The following TRAF7 variants were observed in gnomAD, a reference collection of about 807,000 sequenced individuals.
TRAF7 encodes E3 ubiquitin-protein ligase TRAF7.
TRAF7 carries 45 observed loss-of-function variants against 89.3 expected under a neutral mutation model. The observed-to-expected ratio is 0.50, with a 90% CI of 0.40 to 0.65. TRAF7 has a LOEUF of 0.65. TRAF7 is among the 30% of genes least tolerant of loss of function. The probability of loss-of-function intolerance (pLI) is 0.00; values close to 1 mark genes in which losing one functional copy is unlikely to be tolerated. For synonymous variants in TRAF7, 406 were observed against 369.2 expected (o/e 1.10, Z -1.14); for missense variants, 677 against 918.1 (o/e 0.74, Z 3.39).
At chr16:2,172,635 G>GGGGC in intron 9 of TRAF7, 36 bp downstream of exon 9, 7 of 1,273,308 alleles carry the variant, frequency 5.5e-6, no homozygotes, top group African/African-American at 1.5e-5. Context: ...GCCGGGGTGG[G>GGGGC]CGCAGGCCCT....
intron 2 of TRAF7, among the ~76,000 whole-genome samples, 179 bp downstream of exon 2, chr16:2,164,180 G>GCA (rs1169818183): frequency 1.1e-4 from 14 of 131,256 alleles, no homozygotes; most frequent in East Asian, 2.3e-4. Flanking sequence ...GCGCGCGCGC[G>GCA]CACGCGTGCG....
chr16:2,164,075 C>A, intron 2 of TRAF7, 74 bp downstream of exon 2: 2 of 1,388,130 alleles, frequency 1.4e-6, no homozygotes, highest in Non-Finnish European at 2.0e-6. Flanking sequence ...GTGTTGCCTG[C>A]AGAGCTCCCA....
intron 7 of TRAF7, 129 bp from the exon 8 acceptor site, chr16:2,172,062 C>G (rs2093113842): frequency 1.8e-6 from 2 of 1,109,970 alleles, no homozygotes; most frequent in South Asian, 2.9e-5. Flanking sequence ...ACCTGTGCCC[C>G]CGTTCCCATG....
rs1406928718 is a variant in TRAF7 at position 2,168,708 on chromosome 16, G to A, written c.231+540G>A. 2.6e-5 allele frequency among the ~76,000 whole-genome samples: 4 copies of A among 152,120 alleles called. No individual in the cohort carries two copies. The highest frequency in any genetic ancestry group is 9.7e-5 in the African/African-American group (4 of 41,408). ...TTCCCTGTTGCTGGCTGTGTGAGGT[G>A]CAGAAAGGATCAGGGCAGTCGGGGG... On this transcript the variant is annotated intron_variant, in intron 4 of 20. Coordinates refer to ENST00000326181, the MANE Select transcript of TRAF7 (RefSeq NM_032271.3). The surrounding 1 kb of genome is among the most constrained non-coding windows in gnomAD (Gnocchi z 4.1).
At chr16:2,171,190 C>T (rs1024147211) in intron 5 of TRAF7, 74 bp from the exon 6 acceptor site, 32 of 1,260,954 alleles carry the variant, frequency 2.5e-5, no homozygotes, top group Middle Eastern at 2.0e-4. Context: ...GGAGCAAGAG[C>T]GCCTGGGTGC....
Position 2,175,823 on chromosome 16 carries a change from A to G in TRAF7, c.1627-11A>G. The G allele has an allele frequency of 6.2e-7, 1 of 1,612,192 alleles. No homozygotes were observed. The highest frequency in any genetic ancestry group is 8.5e-7 in the Non-Finnish European group (1 of 1,178,992). ...CTGGCCTGGGACCAACTGGCCCACG[A>G]TTACTCATAGATCTGGGACATCCGA... On this transcript the variant is annotated splice_polypyrimidine_tract_variant and intron_variant, in intron 17 of 20. Coordinates refer to ENST00000326181, the MANE Select transcript of TRAF7 (RefSeq NM_032271.3).
At position 2,159,307 on chromosome 16, in the gene TRAF7, A is replaced by G. The variant is rs1320387601; in HGVS notation, c.-39+3449A>G. Among the ~76,000 whole-genome samples the G allele has an allele frequency of 4.6e-5, 7 of 152,096 alleles. No homozygotes were observed. In the East Asian group the frequency reaches 1.4e-3, roughly 29 times the overall value. On this transcript the variant is annotated intron_variant, in intron 1 of 20. Transcript: ENST00000326181. This position sits in a 1 kb window ranked among gnomAD's most constrained non-coding sequence, Gnocchi z 6.5. ...GACAGGCAAGGGGGTTCGCCGTGCT[A>G]GGAGGGAAGCGGGGCCAAGCCGGCC...
chr16:2,164,567 G>C (rs1206564239), intron 2 of TRAF7, among the ~76,000 whole-genome samples: 1 of 134,896 alleles, frequency 7.4e-6, no homozygotes, highest in African/African-American at 2.9e-5. Flanking sequence ...TGGTCGCATG[G>C]TTAAGCATGT....
intron 2 of TRAF7, among the ~76,000 whole-genome samples, chr16:2,164,316 G>A (rs563003751): frequency 1.6e-4 from 24 of 147,318 alleles, no homozygotes; most frequent in Non-Finnish European, 2.7e-4. Context: ...TGGCCTGGTC[G>A]CATGGTAAAG....
chr16:2,164,199 T>TG (rs2093071648), intron 2 of TRAF7, among the ~76,000 whole-genome samples, 198 bp downstream of exon 2: 1 of 146,686 alleles, frequency 6.8e-6, no homozygotes, highest in African/African-American at 2.5e-5. Flanking sequence ...CGTGTGTGGT[T>TG]GGGGCGTGTT....
intron 2 of TRAF7, 112 bp from the exon 3 acceptor site, chr16:2,165,767 G>A: frequency 8.2e-7 from 1 of 1,215,574 alleles, no homozygotes; most frequent in Non-Finnish European, 1.2e-6. Context: ...TTAAGTGTGT[G>A]AGTGCTGCGT....
chr16:2,177,817 C>A lies in TRAF7; in HGVS notation c.*1243C>A, dbSNP rs577518738. Reference sequence around the variant, plus strand: ...AAGGCACAACCTCGAGTTCTTGGGGCGCAGAGAACTTAGGAGAGAAGCACG... The same window carrying A: ...AAGGCACAACCTCGAGTTCTTGGGGAGCAGAGAACTTAGGAGAGAAGCACG... On this transcript the variant is annotated 3_prime_UTR_variant, in exon 21 of 21. Transcript: ENST00000326181. 173 of 244,068 alleles carry A rather than the reference C, an allele frequency of 7.1e-4. No individual in the cohort carries two copies. Among genetic ancestry groups the A allele is most frequent in the African/African-American group, 3.5e-3 (156 of 45,094 alleles). 15.1% of individuals were successfully genotyped at this position (244,068 alleles called of 1,614,324 possible). A position where few individuals can be genotyped will look rare whatever the true frequency, so the allele number is the denominator to read the frequency against.
rs1254796281 is a variant in TRAF7 at position 2,162,686 on chromosome 16, C to T, written c.-38-1197C>T. ...CCAGAGCAAGCTTGTTCTGAGGGCT[C>T]CTGCCTTGGGAGCTGAGCCCATGGT... On this transcript the variant is annotated intron_variant, in intron 1 of 20. Coordinates refer to ENST00000326181, the MANE Select transcript of TRAF7 (RefSeq NM_032271.3). The surrounding 1 kb of genome is among the most constrained non-coding windows in gnomAD (Gnocchi z 5.0). Among the ~76,000 whole-genome samples, 1 of 152,020 alleles carries T rather than the reference C, an allele frequency of 6.6e-6. No homozygotes were observed. The highest frequency in any genetic ancestry group is 2.4e-5 in the African/African-American group (1 of 41,420).
Position 2,170,632 on chromosome 16 carries a change from C to A in TRAF7, c.250C>A (p.Arg84Ser). The A allele has an allele frequency of 6.2e-7, 1 of 1,609,724 alleles. No homozygotes were observed. The highest frequency in any genetic ancestry group is 2.3e-5 in the East Asian group (1 of 44,228). ...EDSMPPISTPRRSDSAISVRS... is the reference protein window; with the variant it reads ...EDSMPPISTPSRSDSAISVRS... ...CACACAGCCCCCCATCAGCACTCCC[C>A]GCCGCTCCGACTCCGCCATCTCTGT... The change falls in exon 5 of 21, where the codon CGC becomes AGC. Residue 84 changes from arginine (R) to serine (S), a missense_variant. Around this residue, in one of 6 missense-constraint regions of TRAF7, gnomAD observed 240 missense variants for 191.9 expected, o/e 1.25. Coordinates refer to ENST00000326181, the MANE Select transcript of TRAF7 (RefSeq NM_032271.3).
chr16:2,173,859 T>TGGCCCCCCCCCC, intron 12 of TRAF7, 23 bp downstream of exon 12: 3 of 1,246,192 alleles, frequency 2.4e-6, no homozygotes, highest in South Asian at 1.2e-5. Flanking sequence ...CCGCCGTGGC[T>TGGCCCCCCCCCC]CCCGCCCACC....
At chr16:2,171,755 G>T in intron 7 of TRAF7, 150 bp downstream of exon 7, 1 of 1,232,886 alleles carries the variant, frequency 8.1e-7, no homozygotes. Context: ...TCCTAGGGAC[G>T]CTCAGGCTGA....
rs1026777182 is a variant in TRAF7, at chr16:2,176,885, A to G, written c.*311A>G. ...TACTCACCTTTTCTACCGTTTTTAGACTGTATGTAGATTTGGTTACCTCCT... is the reference window on the plus strand; with the variant it reads ...TACTCACCTTTTCTACCGTTTTTAGGCTGTATGTAGATTTGGTTACCTCCT... On this transcript the variant is annotated 3_prime_UTR_variant, in exon 21 of 21. Coordinates refer to ENST00000326181, the MANE Select transcript of TRAF7 (RefSeq NM_032271.3). 1.8e-6 allele frequency: 1 copy of G among 540,666 alleles called. No individual in the cohort carries two copies. Among genetic ancestry groups the G allele is most frequent in the African/African-American group, 1.9e-5 (1 of 52,612 alleles). The allele number at this position is 540,666 out of a possible 1,614,324, so 33.5% of individuals were successfully genotyped here. A position where few individuals can be genotyped will look rare whatever the true frequency, so the allele number is the denominator to read the frequency against.
At chr16:2,174,450 T>C (rs1342232639) in intron 14 of TRAF7, 117 bp downstream of exon 14, 1 of 927,318 alleles carries the variant, frequency 1.1e-6, no homozygotes, top group Non-Finnish European at 1.6e-6. Context: ...GCCCCACCTA[T>C]AGGGCACCCT....
intron 2 of TRAF7, among the ~76,000 whole-genome samples, chr16:2,165,463 C>T (rs1408239864): frequency 2.3e-5 from 3 of 128,120 alleles, no homozygotes; most frequent in South Asian, 2.5e-4. Context: ...CTGGCCTGGT[C>T]GCATGGTTAA....
Sources: allele counts gnomAD v4.1 joint callset (sites outside exome capture counted in the v4.1 genomes callset), GRCh38; gene constraint gnomAD v4.1.1; regional missense constraint gnomAD v4.1.1; non-coding constraint Gnocchi (gnomAD v3.1); transcripts MANE v1.5; gene names NCBI Gene and HGNC (gene_info 2026-07-23, HGNC 2026-07-21).